Variants in SIK2 observed in about 807,000 individuals in gnomAD.
The protein encoded by SIK2 is serine/threonine-protein kinase SIK2.
Under a neutral mutation model 103.2 loss-of-function variants are expected in SIK2, and 29 were observed. That is an observed-to-expected ratio of 0.28 (90% confidence interval 0.21 to 0.38). The LOEUF (loss-of-function observed/expected upper bound fraction) is 0.38. Among genes scored for constraint, SIK2 ranks in the 10% least tolerant of loss-of-function variants. SIK2 has a pLI of 1.00. For synonymous variants in SIK2, 412 were observed against 446.1 expected (o/e 0.92, Z 0.96); for missense variants, 879 against 1,171.0 (o/e 0.75, Z 3.64).
At chr11:111,652,902 C>A (rs1201569681) in intron 3 of SIK2, among the ~76,000 whole-genome samples, 1 of 152,118 alleles carries the variant, frequency 6.6e-6, no homozygotes, top group Non-Finnish European at 1.5e-5. Context: ...TTTAAAAACC[C>A]ATGTTCTTAA....
intron 3 of SIK2, among the ~76,000 whole-genome samples, chr11:111,684,163 C>G (rs1280027061): frequency 2.0e-5 from 3 of 152,140 alleles, no homozygotes; most frequent in Non-Finnish European, 4.4e-5. Context: ...TATACAATGC[C>G]TTTGTTTTTC....
rs1591633202 is a variant in SIK2 at position 111,706,430 on chromosome 11, T to C, written c.1101+1291T>C. Among the ~76,000 whole-genome samples the C allele has an allele frequency of 3.9e-5, 6 of 152,074 alleles. No individual in the cohort carries two copies. In the East Asian group the frequency reaches 1.2e-3, roughly 29 times the overall value. ...GGAATCATCCAGAGGTTGAGATGAA[T>C]GGTTGGTTAGTATGCTCCATTGACT... is the stretch of plus-strand genomic sequence containing the variant. On this transcript the variant is annotated intron_variant, in intron 8 of 14. Transcript: ENST00000304987.
At chr11:111,620,561 T>A (rs1370542726) in intron 3 of SIK2, among the ~76,000 whole-genome samples, 159 bp downstream of exon 3, 1 of 152,206 alleles carries the variant, frequency 6.6e-6, no homozygotes, top group Non-Finnish European at 1.5e-5. Flanking sequence ...ATATGAAATA[T>A]AACTTATTTC....
At chr11:111,714,096 G>A (rs1304355959) in intron 9 of SIK2, among the ~76,000 whole-genome samples, 4 of 152,298 alleles carry the variant, frequency 2.6e-5, no homozygotes, top group South Asian at 2.1e-4. Flanking sequence ...ATTGAAAGAC[G>A]GGTAGACCCA....
At position 111,721,730 on chromosome 11, in the gene SIK2, T is replaced by C. The variant is rs1389077950; in HGVS notation, c.1945-100T>C. On this transcript the variant is annotated intron_variant, in intron 12 of 14. Transcript: ENST00000304987. ...TGAGTATTAATAAGTCTCAGTGGAG[T>C]TGGTATTCCTATTGGACATTGCAAA... The C allele has an allele frequency of 2.3e-5, 18 of 774,394 alleles. No homozygotes were observed. The East Asian group carries it at 4.3e-4, about 19-fold the overall frequency. The allele number at this position is 774,394 out of a possible 1,614,324, so 48.0% of individuals were successfully genotyped here.
Position 111,623,227 on chromosome 11 carries a change from A to G in SIK2, c.316+2825A>G, listed in dbSNP as rs142005868. ...GACATTGTAGTATTCTTTTCTATAA[A>G]CTTGACTAGGACTGTTTTTTAATGC... On this transcript the variant is annotated intron_variant, in intron 3 of 14. Coordinates refer to ENST00000304987, the MANE Select transcript of SIK2 (RefSeq NM_015191.3). 7.7e-4 allele frequency among the ~76,000 whole-genome samples: 117 copies of G among 152,312 alleles called. 1 individual carries two copies. Among genetic ancestry groups the G allele is most frequent in the Middle Eastern group, 3.4e-3 (1 of 294 alleles).
chr11:111,693,331 C>CAAAA (rs1306377241), intron 4 of SIK2, among the ~76,000 whole-genome samples: 1 of 93,626 alleles, frequency 1.1e-5, no homozygotes, highest in Non-Finnish European at 2.2e-5. Flanking sequence ...GACTCCGTCT[C>CAAAA]AAAAAAAAAA....
Position 111,704,983 on chromosome 11 carries a change from T to G in SIK2, c.949-4T>G. The stretch of plus-strand genomic sequence containing the variant: ...TTGCCTTTACCACTTGTTTTTTATT[T>G]CAGTCTTTGCAGAACAAGAGCTATA... On this transcript the variant is annotated splice_polypyrimidine_tract_variant and splice_region_variant and intron_variant, in intron 7 of 14. Coordinates refer to ENST00000304987, the MANE Select transcript of SIK2 (RefSeq NM_015191.3). 1 of 1,599,606 alleles carries G rather than the reference T, an allele frequency of 6.3e-7. No homozygotes were observed. Among genetic ancestry groups the G allele is most frequent in the South Asian group, 1.1e-5 (1 of 87,804 alleles).
chr11:111,710,366 T>G (rs1943463151), intron 8 of SIK2, among the ~76,000 whole-genome samples: 1 of 152,238 alleles, frequency 6.6e-6, no homozygotes. Context: ...GGGGCATCCA[T>G]ACCATTCTGA....
chr11:111,677,897 TAC>T (rs767856103), intron 3 of SIK2, among the ~76,000 whole-genome samples: 1 of 152,248 alleles, frequency 6.6e-6, no homozygotes, highest in Non-Finnish European at 1.5e-5. Flanking sequence ...AACCTGAGTT[TAC>T]AGTTTCACAT....
rs1942872693 is a variant in SIK2, at chr11:111,688,208, T to G, written c.478+46T>G. ...TCTAATAAGATCCGAAGTGAGCCAC[T>G]GCACTCAGTGTGTGGAAACAGACCT... On this transcript the variant is annotated intron_variant, in intron 4 of 14. Coordinates refer to ENST00000304987, the MANE Select transcript of SIK2 (RefSeq NM_015191.3). This position sits in a 1 kb window ranked among gnomAD's most constrained non-coding sequence, Gnocchi z 4.2. 1.2e-6 allele frequency: 2 copies of G among 1,600,234 alleles called. No individual in the cohort carries two copies. The highest frequency in any genetic ancestry group is 1.7e-5 in the Admixed American group (1 of 59,836).
intron 3 of SIK2, among the ~76,000 whole-genome samples, chr11:111,655,227 C>CA (rs1455150811): frequency 8.5e-5 from 13 of 152,058 alleles, no homozygotes; most frequent in Non-Finnish European, 1.5e-4. Context: ...CATGGTGAAA[C>CA]CTCTTCTCTA....
chr11:111,662,236 T>C (rs1032981152), intron 3 of SIK2, among the ~76,000 whole-genome samples: 4 of 152,208 alleles, frequency 2.6e-5, no homozygotes, highest in Non-Finnish European at 5.9e-5. Flanking sequence ...AAAGAAGATG[T>C]CACAGATGGA....
chr11:111,671,445 G>T, intron 3 of SIK2: 1 of 241,872 alleles, frequency 4.1e-6, no homozygotes, highest in South Asian at 5.0e-5. Flanking sequence ...GCCCTTTGCT[G>T]ATGTTCTGGG....
At chr11:111,715,492 T>G (rs949195573) in intron 9 of SIK2, among the ~76,000 whole-genome samples, 1 of 152,198 alleles carries the variant, frequency 6.6e-6, no homozygotes, top group Admixed American at 6.5e-5. Context: ...AGACTTCAGC[T>G]CTCCTTCCCT....
chr11:111,696,870 G>T (rs1239596104), intron 4 of SIK2, among the ~76,000 whole-genome samples: 2 of 152,118 alleles, frequency 1.3e-5, no homozygotes, highest in African/African-American at 4.8e-5. Context: ...AATAAATCCT[G>T]CATTTTCACA....
At position 111,722,609 on chromosome 11, in the gene SIK2, C is replaced by A. The variant is rs1565397288; in HGVS notation, c.2056-56C>A. ...CTGCAGGCAGAAGCACATCTGATGACTGCATCCTAGGTGACAGCACATTGT... is the reference window on the plus strand; with the variant it reads ...CTGCAGGCAGAAGCACATCTGATGAATGCATCCTAGGTGACAGCACATTGT... On this transcript the variant is annotated intron_variant, in intron 13 of 14. Transcript: ENST00000304987. This position sits in a 1 kb window ranked among gnomAD's most constrained non-coding sequence, Gnocchi z 4.4. 6.6e-7 allele frequency: 1 copy of A among 1,523,910 alleles called. No individual in the cohort carries two copies. 94.4% of individuals were successfully genotyped at this position (1,523,910 alleles called of 1,614,324 possible).
In SIK2 at chr11:111,616,338, T is replaced by C. The variant is rs565813248; in HGVS notation, c.231T>C (p.Pro77=). 1.7e-5 allele frequency: 27 copies of C among 1,607,538 alleles called. No homozygotes were observed. In the South Asian group the frequency reaches 2.7e-4, roughly 16 times the overall value. ...EVQIMKMLDH[P]HIIKLYQVME... ...AAATAATGAAAATGTTAGACCACCC[T>C]CACATAATCAAACTTTATCAGGTAT... The change falls in exon 2 of 15, where the codon CCT becomes CCC. Residue 77 remains proline, a synonymous_variant. Transcript: ENST00000304987.
intron 3 of SIK2, among the ~76,000 whole-genome samples, chr11:111,668,330 A>G (rs776390200): frequency 1.3e-5 from 2 of 152,262 alleles, no homozygotes; most frequent in Admixed American, 6.5e-5. Context: ...ATTATATGCC[A>G]TAATTTATTT....
Sources: gnomAD v4.1 joint callset for allele counts (sites outside exome capture counted in the v4.1 genomes callset) on GRCh38, gnomAD v4.1.1 for gene constraint, Gnocchi (gnomAD v3.1) non-coding constraint, MANE v1.5 for transcripts, NCBI Gene and HGNC (gene_info 2026-07-23, HGNC 2026-07-21) for gene names.